Variants in DMRT1 observed in about 807,000 individuals in gnomAD.
The protein encoded by DMRT1 is doublesex- and mab-3-related transcription factor 1.
DMRT1 carries 7 observed loss-of-function variants against 32.3 expected under a neutral mutation model. The ratio of observed to expected loss-of-function variants is 0.22; its 90% CI spans 0.12 to 0.41. The LOEUF is 0.41. Among genes scored for constraint, DMRT1 ranks in the 10% least tolerant of loss-of-function variants. The probability of loss-of-function intolerance (pLI) is 1.00; values close to 1 mark genes in which losing one functional copy is unlikely to be tolerated. For missense variants in DMRT1, 625 were observed against 500.5 expected (o/e 1.25, Z -2.37); for synonymous variants, 278 against 206.1 (o/e 1.35, Z -2.99).
At chr9:844,209 C>T (rs1242045057) in intron 1 of DMRT1, among the ~76,000 whole-genome samples, 1 of 152,176 alleles carries the variant, frequency 6.6e-6, no homozygotes, top group African/African-American at 2.4e-5. Context: ...TGGGAAACTT[C>T]AGTATTTTCT....
intron 4 of DMRT1, among the ~76,000 whole-genome samples, chr9:934,725 C>T (rs763708260): frequency 4.6e-5 from 7 of 152,040 alleles, no homozygotes; most frequent in African/African-American, 9.7e-5. Context: ...CCAGTTTTCC[C>T]GGCACTATTT....
At chr9:868,580 T>C (rs879259501) in intron 2 of DMRT1, among the ~76,000 whole-genome samples, 1 of 152,258 alleles carries the variant, frequency 6.6e-6, no homozygotes, top group Non-Finnish European at 1.5e-5. Flanking sequence ...TAAGCACAGC[T>C]AGCTCCTCTG....
chr9:908,470 T>TG (rs398113137), intron 3 of DMRT1, among the ~76,000 whole-genome samples: 1 of 147,358 alleles, frequency 6.8e-6, no homozygotes, highest in African/African-American at 2.6e-5. Flanking sequence ...AATGTTTTTT[T>TG]AAAAAAGACT....
At chr9:910,799 T>G (rs80108669) in intron 3 of DMRT1, among the ~76,000 whole-genome samples, 6,293 of 152,168 alleles carry the variant, frequency 0.041, 323 homozygotes, top group East Asian at 0.17. Flanking sequence ...GTATAAAACA[T>G]GCCTCTTGCT....
At chr9:888,980 G>T (rs1471880898) in intron 2 of DMRT1, among the ~76,000 whole-genome samples, 3 of 148,016 alleles carry the variant, frequency 2.0e-5, no homozygotes, top group East Asian at 2.0e-4. Context: ...AAAAAAAAAA[G>T]AATTTCTGGA....
At chr9:955,577 A>C (rs1010259929) in intron 4 of DMRT1, among the ~76,000 whole-genome samples, 1 of 152,164 alleles carries the variant, frequency 6.6e-6, no homozygotes. Flanking sequence ...ATGATAGTGC[A>C]TGCCTGTAGT....
chr9:938,257 G>A (rs1265345748), intron 4 of DMRT1, among the ~76,000 whole-genome samples: 1 of 152,074 alleles, frequency 6.6e-6, no homozygotes, highest in Non-Finnish European at 1.5e-5. Flanking sequence ...GCTATTTGAT[G>A]TGCCTTGGAA....
chr9:884,583 C>G (rs56166230), intron 2 of DMRT1, among the ~76,000 whole-genome samples: 177 of 152,276 alleles, frequency 1.2e-3, no homozygotes, highest in African/African-American at 4.1e-3. Context: ...ATGTGTATTT[C>G]TTGAGTTCCT....
intron 3 of DMRT1, among the ~76,000 whole-genome samples, chr9:905,672 C>A (rs12378162): frequency 7.9e-5 from 12 of 151,858 alleles, no homozygotes; most frequent in East Asian, 3.9e-4. Flanking sequence ...CAGGTGGACC[C>A]GTGAGGGGAA....
intron 3 of DMRT1, among the ~76,000 whole-genome samples, chr9:905,382 G>C (rs182293193): frequency 1.3e-5 from 2 of 152,142 alleles, no homozygotes; most frequent in East Asian, 3.9e-4. Context: ...CTAGGGGAAG[G>C]AAGGCAGACA....
chr9:927,443 T>A (rs540980044), intron 4 of DMRT1, among the ~76,000 whole-genome samples: 1 of 152,310 alleles, frequency 6.6e-6, no homozygotes, highest in Admixed American at 6.5e-5. Flanking sequence ...AAATCCAGAT[T>A]GCGATGTGAC....
intron 2 of DMRT1, among the ~76,000 whole-genome samples, chr9:858,175 T>A (rs1417802880): frequency 6.6e-6 from 1 of 151,700 alleles, no homozygotes; most frequent in South Asian, 2.1e-4. Context: ...AACCCGAGAG[T>A]TGGTGAAAAT....
At chr9:870,709 C>CTTTTTTTTTTGTTTTTTTTTTTTTTTTTT (rs1816207585) in intron 2 of DMRT1, among the ~76,000 whole-genome samples, 1 of 69,560 alleles carries the variant, frequency 1.4e-5, no homozygotes, top group African/African-American at 6.6e-5. Flanking sequence ...ATTTTCTTGA[C>CTTTTTTTTTTGTTTTTTTTTTTTTTTTTT]TTTTTTTTTT....
At chr9:907,573 T>G (rs1159072316) in intron 3 of DMRT1, among the ~76,000 whole-genome samples, 1 of 152,214 alleles carries the variant, frequency 6.6e-6, no homozygotes, top group African/African-American at 2.4e-5. Flanking sequence ...TTACCTCCTT[T>G]TAGAGGTACT....
At chr9:889,747 A>G (rs994545332) in intron 2 of DMRT1, among the ~76,000 whole-genome samples, 1 of 151,626 alleles carries the variant, frequency 6.6e-6, no homozygotes, top group Non-Finnish European at 1.5e-5. Context: ...TTGGGTTTCT[A>G]TTTATTCGTC....
chr9:865,454 A>G (rs1040168182), intron 2 of DMRT1, among the ~76,000 whole-genome samples: 3 of 151,946 alleles, frequency 2.0e-5, no homozygotes, highest in Non-Finnish European at 4.4e-5. Flanking sequence ...TTTTTCATAA[A>G]TATATATGAT....
At chr9:925,805 C>G (rs1818504044) in intron 4 of DMRT1, among the ~76,000 whole-genome samples, 1 of 152,272 alleles carries the variant, frequency 6.6e-6, no homozygotes, top group African/African-American at 2.4e-5. Context: ...AGCATAGAGA[C>G]AGTGCCTGTT....
intron 2 of DMRT1, among the ~76,000 whole-genome samples, chr9:863,908 A>G (rs1244228907): frequency 6.6e-6 from 1 of 152,144 alleles, no homozygotes. Flanking sequence ...AACATCAAGA[A>G]TTTCCTTATT....
chr9:876,832 C>G (rs755759395), intron 2 of DMRT1, among the ~76,000 whole-genome samples: 1 of 152,178 alleles, frequency 6.6e-6, no homozygotes, highest in Non-Finnish European at 1.5e-5. Flanking sequence ...GCCCAGGTAA[C>G]AGGTGTCTGA....
Sources: allele counts gnomAD v4.1 joint callset (sites outside exome capture counted in the v4.1 genomes callset), GRCh38; gene constraint gnomAD v4.1.1; transcripts MANE v1.5; gene names NCBI Gene and HGNC (gene_info 2026-07-23, HGNC 2026-07-21).